HTR7: variants seen among roughly 807,000 people sequenced by gnomAD.
The protein encoded by HTR7 is 5-HT-7.
Under a neutral mutation model 34.0 loss-of-function variants are expected in HTR7, and 16 were observed. That is an observed-to-expected ratio of 0.47 (90% CI 0.32 to 0.71). HTR7 has a LOEUF of 0.71. Among genes scored for constraint, HTR7 ranks in the 30% least tolerant of loss-of-function variants. The pLI, the probability that HTR7 is intolerant of heterozygous loss-of-function variation, is 0.04. For synonymous variants in HTR7, 265 were observed against 260.2 expected, an observed-to-expected ratio of 1.02 and a Z score of -0.18; for missense variants, 504 against 625.5, an observed-to-expected ratio of 0.81 and a Z score of 2.07.
At chr10:90,801,633 C>G (rs1426915386) in intron 1 of HTR7, among the ~76,000 whole-genome samples, 1 of 152,164 alleles carries the variant, frequency 6.6e-6, no homozygotes, top group Admixed American at 6.5e-5. Context: ...TTCAGAGGGT[C>G]AAGGGGAAAG....
rs1844536534 is a variant in HTR7 at position 90,741,181 on chromosome 10, C to CT, written c.*1300dup. 6.6e-6 allele frequency: 1 copy of CT among 152,538 alleles called. No individual in the cohort carries two copies. The highest frequency in any genetic ancestry group is 2.4e-5 in the African/African-American group (1 of 41,418). The allele number at this position is 152,538 out of a possible 1,614,324, so 9.4% of individuals were successfully genotyped here. A position where few individuals can be genotyped will look rare whatever the true frequency, so the allele number is the denominator to read the frequency against. On this transcript the variant is annotated 3_prime_UTR_variant, in exon 4 of 4. Transcript: ENST00000336152. Reference sequence around the variant, plus strand: ...AAATAATATTCTCTTTCAGTTCACTCTTATCAAATAAAGAATTGCATTCAT... The same window carrying CT: ...AAATAATATTCTCTTTCAGTTCACTCTTTATCAAATAAAGAATTGCATTCAT...
chr10:90,747,546 A>T (rs1216545594), intron 2 of HTR7, among the ~76,000 whole-genome samples: 1 of 152,240 alleles, frequency 6.6e-6, no homozygotes, highest in African/African-American at 2.4e-5. Context: ...TTCAGTTGTA[A>T]GATAAAGGCA....
At chr10:90,779,431 C>T (rs142209291) in intron 1 of HTR7, among the ~76,000 whole-genome samples, 36 of 152,316 alleles carry the variant, frequency 2.4e-4, no homozygotes, top group Admixed American at 1.0e-3. Flanking sequence ...TTTGCTCCAG[C>T]CTCATTGCTG....
At chr10:90,841,725 C>T (rs1373443470) in intron 1 of HTR7, among the ~76,000 whole-genome samples, 1 of 152,170 alleles carries the variant, frequency 6.6e-6, no homozygotes, top group Non-Finnish European at 1.5e-5. Flanking sequence ...GCTGGCCGGG[C>T]GTGATGGCTC....
chr10:90,799,541 G>T (rs1346709629), intron 1 of HTR7, among the ~76,000 whole-genome samples: 2 of 152,058 alleles, frequency 1.3e-5, no homozygotes, highest in Non-Finnish European at 2.9e-5. Flanking sequence ...TTTCTTCTTT[G>T]TGCTTCCACA....
At chr10:90,804,271 C>T (rs1001630058) in intron 1 of HTR7, among the ~76,000 whole-genome samples, 5 of 152,258 alleles carry the variant, frequency 3.3e-5, no homozygotes, top group African/African-American at 1.2e-4. Context: ...CACCATCCTT[C>T]GAGTCTGTGT....
At chr10:90,811,510 C>T (rs576590200) in intron 1 of HTR7, among the ~76,000 whole-genome samples, 14 of 152,104 alleles carry the variant, frequency 9.2e-5, no homozygotes, top group Admixed American at 6.5e-5. Context: ...TTCCACCAGG[C>T]GTAATCGCCA....
At chr10:90,852,893 T>C (rs748160755) in intron 1 of HTR7, among the ~76,000 whole-genome samples, 3 of 152,152 alleles carry the variant, frequency 2.0e-5, no homozygotes, top group Non-Finnish European at 2.9e-5. Context: ...AGGTTGCCAG[T>C]GTTCTATTTC....
At chr10:90,788,817 G>C (rs1054696964) in intron 1 of HTR7, among the ~76,000 whole-genome samples, 2 of 152,170 alleles carry the variant, frequency 1.3e-5, no homozygotes, top group Admixed American at 1.3e-4. Context: ...GAAGAGAGGA[G>C]GTTGATGAAA....
chr10:90,770,863 C>T (rs1845098374), intron 1 of HTR7, among the ~76,000 whole-genome samples: 1 of 152,186 alleles, frequency 6.6e-6, no homozygotes, highest in Non-Finnish European at 1.5e-5. Flanking sequence ...CCAGGGAGGG[C>T]CTGAAGACTG....
At chr10:90,798,001 C>G (rs1440590823) in intron 1 of HTR7, among the ~76,000 whole-genome samples, 1 of 152,122 alleles carries the variant, frequency 6.6e-6, no homozygotes, top group African/African-American at 2.4e-5. Context: ...GGAGGCCACT[C>G]TTTCTATAAT....
chr10:90,761,145 G>C (rs536747800), intron 1 of HTR7, among the ~76,000 whole-genome samples: 1 of 152,138 alleles, frequency 6.6e-6, no homozygotes, highest in South Asian at 2.1e-4. Context: ...ATCCTCCTAA[G>C]TGGACATAAG....
At chr10:90,823,420 C>T (rs576228016) in intron 1 of HTR7, among the ~76,000 whole-genome samples, 5 of 152,294 alleles carry the variant, frequency 3.3e-5, no homozygotes, top group South Asian at 4.1e-4. Flanking sequence ...CTATTTGTTT[C>T]GGCTGATTTC....
chr10:90,743,128 C>G (rs1456054652), intron 3 of HTR7, among the ~76,000 whole-genome samples: 1 of 152,138 alleles, frequency 6.6e-6, no homozygotes, highest in Non-Finnish European at 1.5e-5. Flanking sequence ...TGCCTAAGAG[C>G]TAGGTCTATG....
intron 2 of HTR7, among the ~76,000 whole-genome samples, chr10:90,748,365 G>A (rs189322314): frequency 2.4e-4 from 36 of 152,128 alleles, no homozygotes; most frequent in Non-Finnish European, 1.5e-5. Context: ...TCTTTTTCCT[G>A]GGCTGCCTCC....
At chr10:90,827,772 A>G (rs536430294) in intron 1 of HTR7, among the ~76,000 whole-genome samples, 3 of 152,328 alleles carry the variant, frequency 2.0e-5, no homozygotes, top group African/African-American at 7.2e-5. Context: ...CCCCAATACA[A>G]TGATAGCAGG....
At chr10:90,796,662 T>G (rs1219302035) in intron 1 of HTR7, among the ~76,000 whole-genome samples, 1 of 152,110 alleles carries the variant, frequency 6.6e-6, no homozygotes, top group East Asian at 1.9e-4. Flanking sequence ...CAGTGAGCTA[T>G]GATTGTGCCA....
intron 1 of HTR7, among the ~76,000 whole-genome samples, chr10:90,784,722 A>G (rs896228161): frequency 2.6e-5 from 4 of 152,206 alleles, no homozygotes; most frequent in Non-Finnish European, 5.9e-5. Context: ...ACTTTATCCT[A>G]TGTGGAGCCA....
chr10:90,798,408 G>T (rs116137054), intron 1 of HTR7, among the ~76,000 whole-genome samples: 2,392 of 152,158 alleles, frequency 0.016, 78 homozygotes, highest in African/African-American at 0.054. Flanking sequence ...GACTGGGTTG[G>T]GTCCCAGGTA....
Sources: gnomAD v4.1 joint callset for allele counts (sites outside exome capture counted in the v4.1 genomes callset) on GRCh38, gnomAD v4.1.1 for gene constraint, MANE v1.5 for transcripts, NCBI Gene and HGNC (gene_info 2026-07-23, HGNC 2026-07-21) for gene names.